PARVA: variants seen among roughly 807,000 people sequenced by gnomAD.
PARVA encodes the protein alpha-parvin.
PARVA carries 25 observed loss-of-function variants against 52.6 expected under a neutral mutation model. The ratio of observed to expected loss-of-function variants is 0.48; its 90% CI spans 0.35 to 0.66. The LOEUF (loss-of-function observed/expected upper bound fraction) is 0.66. Ranked by LOEUF, PARVA falls within the 30% of genes least tolerant of loss-of-function variation. The probability of loss-of-function intolerance (pLI) is 0.01; values close to 1 mark genes in which losing one functional copy is unlikely to be tolerated. For synonymous variants in PARVA, 185 were observed against 179.1 expected (o/e 1.03, Z -0.26); for missense variants, 373 against 450.9 (o/e 0.83, Z 1.56).
chr11:12,385,488 A>C (rs1384649030), intron 1 of PARVA, among the ~76,000 whole-genome samples: 4 of 152,236 alleles, frequency 2.6e-5, no homozygotes, highest in Non-Finnish European at 5.9e-5. Flanking sequence ...AGCTAAGAGT[A>C]GAATTAAGAT....
At chr11:12,484,725 T>C (rs1206566662) in intron 4 of PARVA, among the ~76,000 whole-genome samples, 3 of 152,028 alleles carry the variant, frequency 2.0e-5, no homozygotes, top group African/African-American at 7.2e-5. Context: ...AGCCTGGTAG[T>C]ATACAGGTCT....
At chr11:12,466,972 G>T (rs1015674326) in intron 1 of PARVA, among the ~76,000 whole-genome samples, 4 of 152,136 alleles carry the variant, frequency 2.6e-5, no homozygotes, top group Non-Finnish European at 4.4e-5. Context: ...TATAGATGAA[G>T]TTGGAAAGAA....
intron 12 of PARVA, among the ~76,000 whole-genome samples, chr11:12,527,023 A>AT (rs1941712032): frequency 6.6e-6 from 1 of 152,156 alleles, no homozygotes; most frequent in African/African-American, 2.4e-5. Context: ...TAGCCTACAA[A>AT]ATCATGCAAG....
At chr11:12,487,728 TTTA>T (rs1415374731) in intron 4 of PARVA, among the ~76,000 whole-genome samples, 1 of 152,232 alleles carries the variant, frequency 6.6e-6, no homozygotes, top group Non-Finnish European at 1.5e-5. Context: ...ATGAAAGTTT[TTTA>T]TTATTATTCT....
At chr11:12,433,618 C>T (rs1403630543) in intron 1 of PARVA, among the ~76,000 whole-genome samples, 2 of 152,148 alleles carry the variant, frequency 1.3e-5, no homozygotes, top group East Asian at 1.9e-4. Flanking sequence ...CTTGCAGTTT[C>T]ACCGGCAGCC....
intron 1 of PARVA, among the ~76,000 whole-genome samples, chr11:12,380,341 C>A (rs1394578934): frequency 6.6e-6 from 1 of 150,516 alleles, no homozygotes; most frequent in African/African-American, 2.5e-5. Context: ...GCCTGAGGGA[C>A]AAGGGAAGCA....
At chr11:12,497,212 G>A (rs565279042) in intron 5 of PARVA, among the ~76,000 whole-genome samples, 4 of 152,116 alleles carry the variant, frequency 2.6e-5, no homozygotes, top group Admixed American at 1.3e-4. Flanking sequence ...CCAAAGGCCC[G>A]GTGTCTAATA....
At chr11:12,404,087 C>T (rs1401750212) in intron 1 of PARVA, among the ~76,000 whole-genome samples, 1 of 143,998 alleles carries the variant, frequency 6.9e-6, no homozygotes, top group African/African-American at 2.6e-5. Flanking sequence ...CCAGTTGGCT[C>T]ACCGTTTAAT....
chr11:12,421,048 C>T (rs1001594658), intron 1 of PARVA, among the ~76,000 whole-genome samples: 10 of 147,146 alleles, frequency 6.8e-5, no homozygotes, highest in East Asian at 2.0e-4. Context: ...CAATCAGTAC[C>T]GGCTCTAAAG....
rs1941748916 is a variant in PARVA at position 12,529,748 on chromosome 11, A to T, written c.*1823A>T. 6.6e-6 allele frequency: 1 copy of T among 152,232 alleles called. No homozygotes were observed. Among genetic ancestry groups the T allele is most frequent in the Non-Finnish European group, 1.5e-5 (1 of 68,048 alleles). 9.4% of individuals were successfully genotyped at this position (152,232 alleles called of 1,614,324 possible). On this transcript the variant is annotated 3_prime_UTR_variant, in exon 13 of 13. Transcript: ENST00000334956. ...GTAATTGAGGACCCATAAAATTTAG[A>T]TAACTACATGTCTTTGCTCTTAGAA...
chr11:12,459,243 A>C (rs1440891206), intron 1 of PARVA, among the ~76,000 whole-genome samples: 1 of 151,770 alleles, frequency 6.6e-6, no homozygotes, highest in Non-Finnish European at 1.5e-5. Context: ...CTCCACAACA[A>C]AAAATACAAA....
intron 11 of PARVA, 133 bp from the exon 12 acceptor site, chr11:12,518,312 G>A (rs1941596025): frequency 3.0e-6 from 2 of 675,582 alleles, no homozygotes; most frequent in South Asian, 1.8e-5. Flanking sequence ...CATTTTGGTA[G>A]CCATATTTCT....
Position 12,531,575 on chromosome 11 carries a change from G to A in PARVA, c.*3650G>A, listed in dbSNP as rs546134914. On this transcript the variant is annotated 3_prime_UTR_variant, in exon 13 of 13. Transcript: ENST00000334956. ...CTGGAAAATAAGACTAGATGGAGTCGGTAGGTGAAACAGTTTTGCCGTGCC... is the reference window on the plus strand; with the variant it reads ...CTGGAAAATAAGACTAGATGGAGTCAGTAGGTGAAACAGTTTTGCCGTGCC... 1.1e-4 allele frequency among the ~76,000 whole-genome samples: 16 copies of A among 151,940 alleles called. No individual in the cohort carries two copies. The highest frequency in any genetic ancestry group is 8.4e-4 in the South Asian group (4 of 4,780).
chr11:12,455,541 C>T (rs972303650), intron 1 of PARVA, among the ~76,000 whole-genome samples: 1 of 151,932 alleles, frequency 6.6e-6, no homozygotes. Flanking sequence ...TGTCCTTGGC[C>T]ATTGGAAGCC....
At chr11:12,522,815 G>T (rs193274183) in intron 12 of PARVA, among the ~76,000 whole-genome samples, 3 of 151,116 alleles carry the variant, frequency 2.0e-5, no homozygotes, top group African/African-American at 7.3e-5. Flanking sequence ...GACAGCTCAT[G>T]TAACAACATA....
intron 6 of PARVA, among the ~76,000 whole-genome samples, chr11:12,507,915 C>A (rs1941452232): frequency 6.6e-6 from 1 of 151,850 alleles, no homozygotes; most frequent in Admixed American, 6.6e-5. Flanking sequence ...ACATAGAGGG[C>A]ACTGATTAAT....
At chr11:12,427,453 A>G (rs909216578) in intron 1 of PARVA, among the ~76,000 whole-genome samples, 1 of 152,334 alleles carries the variant, frequency 6.6e-6, no homozygotes, top group South Asian at 2.1e-4. Flanking sequence ...ACATGAATAC[A>G]TGGCTATTTT....
At chr11:12,409,002 C>T (rs773785511) in intron 1 of PARVA, among the ~76,000 whole-genome samples, 2 of 152,092 alleles carry the variant, frequency 1.3e-5, no homozygotes, top group Non-Finnish European at 2.9e-5. Context: ...GGCTGAAGCA[C>T]GGAGGACCTG....
At chr11:12,503,935 G>A (rs1025918065) in intron 5 of PARVA, among the ~76,000 whole-genome samples, 1 of 152,158 alleles carries the variant, frequency 6.6e-6, no homozygotes, top group Non-Finnish European at 1.5e-5. Flanking sequence ...CTTCCAGGGA[G>A]GCCTCAGGGA....
Sources: gnomAD v4.1 joint callset for allele counts (sites outside exome capture counted in the v4.1 genomes callset) on GRCh38, gnomAD v4.1.1 for gene constraint, MANE v1.5 for transcripts, NCBI Gene and HGNC (gene_info 2026-07-23, HGNC 2026-07-21) for gene names.